The following EEF1AKMT1 variants were observed in gnomAD, a reference collection of about 807,000 sequenced individuals.
EEF1AKMT1 encodes EEF1A lysine methyltransferase 1.
In EEF1AKMT1, 18 loss-of-function variants were observed where a neutral mutation model predicts 21.0. The ratio of observed to expected loss-of-function variants is 0.86; its 90% CI spans 0.59 to 1.27. The LOEUF (loss-of-function observed/expected upper bound fraction) is 1.27, where lower values mean the gene tolerates loss of function less well. Among genes scored for constraint, EEF1AKMT1 ranks in the 50% most tolerant of loss-of-function variants. The pLI, the probability that EEF1AKMT1 is intolerant of heterozygous loss-of-function variation, is 0.00. For missense variants in EEF1AKMT1, 246 were observed against 258.6 expected (o/e 0.95, Z 0.33); for synonymous variants, 109 against 94.8 (o/e 1.15, Z -0.87).
At chr13:20,752,206 G>C (rs139465197) in intron 2 of EEF1AKMT1, among the ~76,000 whole-genome samples, 1 of 152,128 alleles carries the variant, frequency 6.6e-6, no homozygotes, top group Non-Finnish European at 1.5e-5. Context: ...GGTGGAAGTG[G>C]GCATGCTTAT....
chr13:20,753,916 T>C (rs1242738267), intron 2 of EEF1AKMT1, among the ~76,000 whole-genome samples: 1 of 152,174 alleles, frequency 6.6e-6, no homozygotes, highest in Non-Finnish European at 1.5e-5. Context: ...GTGTAATCCA[T>C]TTACATTCAA....
rs939982282 is a variant in EEF1AKMT1, at chr13:20,769,793, G to GA, written c.-20+4127dup. 2.3e-3 allele frequency among the ~76,000 whole-genome samples: 333 copies of GA among 147,732 alleles called. 2 individuals are homozygous for GA. The highest frequency in any genetic ancestry group is 7.3e-3 in the African/African-American group (294 of 40,386). ...ACAGGAAAGTACAGCCCATTCAAAG[G>GA]AAAAAAAAAATAAAAGAGAAACCAT... On this transcript the variant is annotated intron_variant, in intron 1 of 4. Coordinates refer to ENST00000382758, the MANE Select transcript of EEF1AKMT1 (RefSeq NM_001318939.2).
At chr13:20,770,170 C>G (rs2059055677) in intron 1 of EEF1AKMT1, among the ~76,000 whole-genome samples, 1 of 152,044 alleles carries the variant, frequency 6.6e-6, no homozygotes, top group African/African-American at 2.4e-5. Flanking sequence ...TGTGGATAAA[C>G]CTTCAGGACA....
intron 2 of EEF1AKMT1, chr13:20,757,231 A>G: frequency 2.5e-6 from 1 of 392,868 alleles, no homozygotes; most frequent in East Asian, 3.9e-5. Flanking sequence ...ATCACCAACC[A>G]GCCTGATAGT....
chr13:20,735,374 G>T lies in EEF1AKMT1; in HGVS notation c.227+2349C>A, dbSNP rs202202371. Among the ~76,000 whole-genome samples the T allele has an allele frequency of 8.5e-5, 13 of 152,178 alleles. No individual in the cohort carries two copies. The East Asian group carries it at 1.7e-3, about 20-fold the overall frequency. ...AAAACTGGAGGAGTGTTGTCTGGAT[G>T]GGGGGGATGCTTGGAAGGAAGATGC... is the stretch of plus-strand genomic sequence containing the variant. On this transcript the variant is annotated intron_variant, in intron 3 of 4. Coordinates refer to ENST00000382758, the MANE Select transcript of EEF1AKMT1 (RefSeq NM_001318939.2).
At chr13:20,734,573 T>TTA (rs1491167878) in intron 3 of EEF1AKMT1, among the ~76,000 whole-genome samples, 1 of 121,482 alleles carries the variant, frequency 8.2e-6, no homozygotes, top group African/African-American at 3.0e-5. Context: ...TTCATCTTTA[T>TTA]TTTATTATTT....
intron 1 of EEF1AKMT1, among the ~76,000 whole-genome samples, chr13:20,757,826 G>A (rs1411354736): frequency 2.6e-5 from 4 of 152,130 alleles, no homozygotes; most frequent in Non-Finnish European, 5.9e-5. Flanking sequence ...GCCACGATGG[G>A]AAGGACATGT....
chr13:20,739,350 T>G (rs2058855466), intron 2 of EEF1AKMT1, among the ~76,000 whole-genome samples: 1 of 152,206 alleles, frequency 6.6e-6, no homozygotes, highest in Non-Finnish European at 1.5e-5. Context: ...CCAAGAGGGT[T>G]GCCGCCGCTA....
At chr13:20,772,312 A>G (rs1168191211) in intron 1 of EEF1AKMT1, among the ~76,000 whole-genome samples, 1 of 152,086 alleles carries the variant, frequency 6.6e-6, no homozygotes, top group South Asian at 2.1e-4. Context: ...CTGACCTTGG[A>G]CCTTATGTGG....
chr13:20,732,242 T>G (rs1381942468), intron 3 of EEF1AKMT1, 121 bp from the exon 4 acceptor site: 3 of 1,038,762 alleles, frequency 2.9e-6, no homozygotes, highest in South Asian at 1.7e-5. Context: ...GAAACAATAA[T>G]GCAAACTAGT....
chr13:20,766,787 A>C (rs1428731896), intron 1 of EEF1AKMT1, among the ~76,000 whole-genome samples: 1 of 152,044 alleles, frequency 6.6e-6, no homozygotes, highest in Non-Finnish European at 1.5e-5. Flanking sequence ...ACACCACTGC[A>C]CTCCAGCCTG....
In EEF1AKMT1 at chr13:20,746,163, T is replaced by A. The variant is rs377243778; in HGVS notation, c.145-8358A>T. Among the ~76,000 whole-genome samples the A allele has an allele frequency of 8.8e-4, 134 of 152,284 alleles. 3 individuals carry two copies. In the South Asian group the frequency reaches 0.026, roughly 29 times the overall value. ...TCTACATCTGTCTATCCATTATTTT[T>A]TTTTTTTAGACAGAGTCTCACTCTT... On this transcript the variant is annotated intron_variant, in intron 2 of 4. Transcript: ENST00000382758.
At chr13:20,766,312 A>AAG (rs1646586836) in intron 1 of EEF1AKMT1, among the ~76,000 whole-genome samples, 1 of 143,454 alleles carries the variant, frequency 7.0e-6, no homozygotes, top group African/African-American at 2.6e-5. Flanking sequence ...AAAAAAAAAA[A>AAG]AAAGAAAGAA....
intron 2 of EEF1AKMT1, among the ~76,000 whole-genome samples, chr13:20,739,291 T>G (rs777397293): frequency 6.6e-6 from 1 of 152,134 alleles, no homozygotes; most frequent in South Asian, 2.1e-4. Context: ...AGCAGTAACA[T>G]TTATTGTGAG....
chr13:20,732,203 T>G, intron 3 of EEF1AKMT1, 82 bp from the exon 4 acceptor site: 1 of 1,417,070 alleles, frequency 7.1e-7, no homozygotes, highest in Non-Finnish European at 9.6e-7. Flanking sequence ...AAACAATACA[T>G]GGGTCCGAGT....
At chr13:20,751,923 C>A (rs1240100041) in intron 2 of EEF1AKMT1, among the ~76,000 whole-genome samples, 1 of 151,946 alleles carries the variant, frequency 6.6e-6, no homozygotes, top group African/African-American at 2.4e-5. Flanking sequence ...AACAGGATTG[C>A]CTTCTCGATT....
At chr13:20,765,306 C>T (rs888587613) in intron 1 of EEF1AKMT1, among the ~76,000 whole-genome samples, 3 of 151,152 alleles carry the variant, frequency 2.0e-5, no homozygotes, top group Non-Finnish European at 4.4e-5. Context: ...TACTGATAAG[C>T]TCCTTTATTG....
chr13:20,749,557 C>T (rs181559469), intron 2 of EEF1AKMT1, among the ~76,000 whole-genome samples: 7 of 152,182 alleles, frequency 4.6e-5, no homozygotes, highest in East Asian at 1.9e-4. Flanking sequence ...TATCCTCACA[C>T]GAGTAATAGT....
At chr13:20,740,146 G>A (rs1030741676) in intron 2 of EEF1AKMT1, among the ~76,000 whole-genome samples, 3 of 152,236 alleles carry the variant, frequency 2.0e-5, no homozygotes, top group African/African-American at 4.8e-5. Context: ...GGGATCCGGC[G>A]CACCCTCTGC....
Sources: allele counts gnomAD v4.1 joint callset (sites outside exome capture counted in the v4.1 genomes callset), GRCh38; gene constraint gnomAD v4.1.1; transcripts MANE v1.5; gene names NCBI Gene and HGNC (gene_info 2026-07-23, HGNC 2026-07-21).